NELL2: variants seen among roughly 807,000 people sequenced by gnomAD.
NELL2 encodes protein kinase C-binding protein NELL2.
Under a neutral mutation model 109.6 loss-of-function variants are expected in NELL2, and 41 were observed. That is an observed-to-expected ratio of 0.37 (90% CI 0.29 to 0.49). NELL2 has a LOEUF of 0.49. Among genes scored for constraint, NELL2 ranks in the 20% least tolerant of loss-of-function variants. The pLI is 0.98. For synonymous variants in NELL2, 355 were observed against 344.7 expected (o/e 1.03, Z -0.33); for missense variants, 900 against 1,008.3 (o/e 0.89, Z 1.45).
intron 11 of NELL2, among the ~76,000 whole-genome samples, chr12:44,705,171 T>C (rs1267241985): frequency 8.5e-5 from 13 of 152,134 alleles, no homozygotes; most frequent in Admixed American, 7.9e-4. Flanking sequence ...TTGGTGTTCA[T>C]TCGATTAGAA....
intron 16 of NELL2, among the ~76,000 whole-genome samples, chr12:44,526,527 T>C (rs1299804241): frequency 6.6e-6 from 1 of 152,162 alleles, no homozygotes; most frequent in Admixed American, 6.5e-5. Context: ...TGTTCTTAAG[T>C]ACCATGCTAC....
At chr12:44,621,986 T>C (rs1221723266) in intron 13 of NELL2, among the ~76,000 whole-genome samples, 1 of 152,144 alleles carries the variant, frequency 6.6e-6, no homozygotes, top group Non-Finnish European at 1.5e-5. Context: ...TTCTCTTACC[T>C]GTCACTCCAT....
intron 15 of NELL2, among the ~76,000 whole-genome samples, chr12:44,553,837 G>A (rs1943136493): frequency 6.6e-6 from 1 of 152,144 alleles, no homozygotes; most frequent in Non-Finnish European, 1.5e-5. Context: ...CCAAACTAAA[G>A]AGACTGCTCA....
At chr12:44,834,739 C>T (rs1184207554) in intron 2 of NELL2, among the ~76,000 whole-genome samples, 5 of 152,142 alleles carry the variant, frequency 3.3e-5, no homozygotes, top group African/African-American at 1.2e-4. Context: ...AACCTCCATC[C>T]CACCCCAGCA....
intron 9 of NELL2, among the ~76,000 whole-genome samples, chr12:44,729,048 A>G (rs1017599934): frequency 6.6e-6 from 1 of 152,170 alleles, no homozygotes; most frequent in Non-Finnish European, 1.5e-5. Context: ...GTACTTTTTA[A>G]CTGGTAAAGG....
In NELL2 at chr12:44,885,139, C is replaced by A. The variant is rs73281098; in HGVS notation, c.39-9239G>T. ...AATAAAAATATAAATACAAGCCAGG[C>A]ATGGTGGTGAGCACCTGTAATCTCA... is the stretch of plus-strand genomic sequence containing the variant. On this transcript the variant is annotated intron_variant, in intron 1 of 20. Coordinates refer to the NELL2 transcript ENST00000333837. 4.5e-3 allele frequency among the ~76,000 whole-genome samples: 684 copies of A among 151,884 alleles called. 13 individuals are homozygous for A. Among genetic ancestry groups the A allele is most frequent in the African/African-American group, 0.015 (628 of 41,300 alleles).
At chr12:44,685,448 C>T (rs1008658865) in intron 12 of NELL2, among the ~76,000 whole-genome samples, 1 of 151,854 alleles carries the variant, frequency 6.6e-6, no homozygotes, top group South Asian at 2.1e-4. Flanking sequence ...TGAATTTGAT[C>T]CAGTCATTAT....
chr12:44,862,057 C>A (rs2658960), intron 2 of NELL2, among the ~76,000 whole-genome samples: 120,970 of 151,634 alleles, frequency 0.8, 48,691 homozygotes, highest in Middle Eastern at 0.94. Flanking sequence ...CATGACAAAG[C>A]ATCCAAAACA....
chr12:44,849,082 G>T (rs1337760047), intron 2 of NELL2, among the ~76,000 whole-genome samples: 1 of 152,074 alleles, frequency 6.6e-6, no homozygotes, highest in Non-Finnish European at 1.5e-5. Flanking sequence ...TTTACACATT[G>T]GGAAACAGGA....
rs547157898 is a variant in NELL2, at chr12:44,811,361, T to C, written c.335+4625A>G. On this transcript the variant is annotated intron_variant, in intron 3 of 19. Transcript: ENST00000429094. ...GTAAAAAAAAAAAAAAAAAAAAAAT[T>C]AAAGACATTATATGTTAGAATGCCA... 4.0e-5 allele frequency among the ~76,000 whole-genome samples: 4 copies of C among 101,098 alleles called. No individual in the cohort carries two copies. In the East Asian group the frequency reaches 8.9e-4, roughly 22 times the overall value. The allele number at this position is 101,098 out of a possible 152,430, so 66.3% of individuals were successfully genotyped here. A position where few individuals can be genotyped will look rare whatever the true frequency, so the allele number is the denominator to read the frequency against.
rs535288278 is a variant in NELL2, at chr12:44,781,834, C to CA, written c.336-1813dup. Among the ~76,000 whole-genome samples, 15 of 152,024 alleles carry CA rather than the reference C, an allele frequency of 9.9e-5. No individual in the cohort carries two copies. The East Asian group carries it at 2.9e-3, about 29-fold the overall frequency. On this transcript the variant is annotated intron_variant, in intron 3 of 19. Coordinates refer to ENST00000429094, the MANE Select transcript of NELL2 (RefSeq NM_001145108.2). ...CTTCAGGAATGAAGAGAAATCAAGACATTCTCAGATAAAGGAAAACTAAGA... is the reference window on the plus strand; with the variant it reads ...CTTCAGGAATGAAGAGAAATCAAGACAATTCTCAGATAAAGGAAAACTAAGA...
chr12:44,804,703 A>G (rs1024980545), intron 3 of NELL2, among the ~76,000 whole-genome samples: 1 of 151,944 alleles, frequency 6.6e-6, no homozygotes, highest in Admixed American at 6.6e-5. Context: ...ATGTATTGTA[A>G]TGCCAAAGAA....
At chr12:44,687,515 G>A (rs1948764916) in intron 12 of NELL2, among the ~76,000 whole-genome samples, 1 of 152,112 alleles carries the variant, frequency 6.6e-6, no homozygotes, top group South Asian at 2.1e-4. Context: ...CTATCTCCAA[G>A]CCTTTTTTTC....
At chr12:44,762,361 T>C (rs1941161703) in intron 9 of NELL2, among the ~76,000 whole-genome samples, 1 of 152,162 alleles carries the variant, frequency 6.6e-6, no homozygotes, top group African/African-American at 2.4e-5. Flanking sequence ...CTCCTCTCTT[T>C]CACTCATACC....
At chr12:44,640,462 C>A (rs975576621) in intron 13 of NELL2, among the ~76,000 whole-genome samples, 2 of 152,156 alleles carry the variant, frequency 1.3e-5, no homozygotes, top group Non-Finnish European at 2.9e-5. Context: ...TTTCTATAAG[C>A]TTTAAGTAAT....
intron 13 of NELL2, among the ~76,000 whole-genome samples, chr12:44,633,931 A>T (rs1443702343): frequency 6.6e-6 from 1 of 152,102 alleles, no homozygotes; most frequent in African/African-American, 2.4e-5. Flanking sequence ...CTTTACCCTA[A>T]GAGAGAATAT....
In NELL2 at chr12:44,696,365, T is replaced by C. The variant is rs113056698; in HGVS notation, c.1318+7361A>G. Among the ~76,000 whole-genome samples, 1,148 of 152,334 alleles carry C rather than the reference T, an allele frequency of 7.5e-3. 9 individuals are homozygous for C. The highest frequency in any genetic ancestry group is 0.022 in the African/African-American group (901 of 41,586). ...TGGTATTTATTACGCACCTTATACA[T>C]ACCAGATATTTCATGTTGAAGTGAG... On this transcript the variant is annotated intron_variant, in intron 12 of 19. Coordinates refer to ENST00000429094, the MANE Select transcript of NELL2 (RefSeq NM_001145108.2).
rs1458777923 is a variant in NELL2 at position 44,628,008 on chromosome 12, C to T, written c.1445-17038G>A. On this transcript the variant is annotated intron_variant, in intron 13 of 19. Coordinates refer to ENST00000429094, the MANE Select transcript of NELL2 (RefSeq NM_001145108.2). ...CACATGTTCTAACATAGTTTGGCAC[C>T]GTCAGCAAAAACCAATGAATAAATG... 6.6e-5 allele frequency among the ~76,000 whole-genome samples: 10 copies of T among 151,988 alleles called. No individual in the cohort carries two copies. In the East Asian group the frequency reaches 9.6e-4, roughly 15 times the overall value.
chr12:44,658,465 T>G (rs1367333905), intron 13 of NELL2, among the ~76,000 whole-genome samples: 1 of 152,074 alleles, frequency 6.6e-6, no homozygotes, highest in African/African-American at 2.4e-5. Context: ...GGAAAAACAT[T>G]CCATGCTCAT....
Sources: allele counts gnomAD v4.1 joint callset (sites outside exome capture counted in the v4.1 genomes callset), GRCh38; gene constraint gnomAD v4.1.1; transcripts MANE v1.5; gene names NCBI Gene and HGNC (gene_info 2026-07-23, HGNC 2026-07-21).